Variants in PTPN5 observed in about 807,000 individuals in gnomAD.
PTPN5 encodes the protein tyrosine-protein phosphatase non-receptor type 5.
PTPN5 carries 29 observed loss-of-function variants against 73.9 expected under a neutral mutation model. The observed-to-expected ratio is 0.39, with a 90% CI of 0.29 to 0.54. PTPN5 has a LOEUF of 0.54. PTPN5 is among the 20% of genes least tolerant of loss of function. PTPN5 has a pLI of 0.65. For synonymous variants in PTPN5, 267 were observed against 304.7 expected, an observed-to-expected ratio of 0.88 and a Z score of 1.29; for missense variants, 652 against 751.4, an observed-to-expected ratio of 0.87 and a Z score of 1.55.
At chr11:18,760,554 A>G (rs1050176302) in intron 3 of PTPN5, among the ~76,000 whole-genome samples, 13 of 152,234 alleles carry the variant, frequency 8.5e-5, no homozygotes, top group Admixed American at 8.5e-4. Flanking sequence ...CAGAATCACC[A>G]GCCCAAGAGG....
chr11:18,763,472 T>C (rs1349796336), intron 3 of PTPN5, among the ~76,000 whole-genome samples: 2 of 152,224 alleles, frequency 1.3e-5, no homozygotes, highest in South Asian at 2.1e-4. Flanking sequence ...GGGTAGCAAA[T>C]GACACTGATT....
chr11:18,791,942 G>T (rs4277090), upstream of PTPN5: 7,274 of 152,246 alleles, frequency 0.048, 314 homozygotes, highest in East Asian at 0.22. Flanking sequence ...GGGCACGAAG[G>T]GGGCCGGATC....
At position 18,752,338 on chromosome 11, in the gene PTPN5, G is replaced by C. The variant is rs1464220736; in HGVS notation, c.98-8139C>G. On this transcript the variant is annotated intron_variant, in intron 3 of 14. Transcript: ENST00000358540. ...GCACATGGTGAGTACTCAATAAATG[G>C]GAGCCAGAATCTAGAGATGATGGGG... Among the ~76,000 whole-genome samples, 3 of 152,202 alleles carry C rather than the reference G, an allele frequency of 2.0e-5. No individual in the cohort carries two copies. In the East Asian group the frequency reaches 5.8e-4, roughly 29 times the overall value.
chr11:18,735,132 C>T (rs145089281), intron 9 of PTPN5, among the ~76,000 whole-genome samples: 1 of 152,116 alleles, frequency 6.6e-6, no homozygotes, highest in South Asian at 2.1e-4. Context: ...TGCTGTTATT[C>T]CTGACATTAT....
Position 18,763,220 on chromosome 11 carries a change from C to T in PTPN5, c.97+2587G>A, listed in dbSNP as rs147533237. On this transcript the variant is annotated intron_variant, in intron 3 of 14. Coordinates refer to ENST00000358540, the MANE Select transcript of PTPN5 (RefSeq NM_006906.2). ...ACACAGATAGGGACAGGCACAGGGA[C>T]GTTGTCTACCTCCTCCAAACTCCTG... 2.1e-4 allele frequency among the ~76,000 whole-genome samples: 32 copies of T among 152,300 alleles called. No homozygotes were observed. In the East Asian group the frequency reaches 4.6e-3, roughly 22 times the overall value.
In PTPN5 at chr11:18,744,144, G is replaced by A; in HGVS notation, c.153C>T (p.Asp51=). ...EALDEAEGLQ[D]SQREMPPPPP... Reference sequence around the variant, plus strand: ...GGGGTGGCGGCATCTCTCTCTGTGAGTCCTGGAGCCCTTCAGCCTCGTCCA... The same window carrying A: ...GGGGTGGCGGCATCTCTCTCTGTGAATCCTGGAGCCCTTCAGCCTCGTCCA... Residue 51 remains aspartate, a synonymous_variant, in exon 4 of 15, where the codon GAC becomes GAT. Coordinates refer to ENST00000358540, the MANE Select transcript of PTPN5 (RefSeq NM_006906.2). The A allele has an allele frequency of 1.2e-6, 2 of 1,603,304 alleles. No individual in the cohort carries two copies. The highest frequency in any genetic ancestry group is 2.7e-5 in the African/African-American group (2 of 74,134).
chr11:18,771,195 AC>A (rs925842929), intron 2 of PTPN5, among the ~76,000 whole-genome samples: 1 of 151,664 alleles, frequency 6.6e-6, no homozygotes, highest in African/African-American at 2.4e-5. Flanking sequence ...CCCCGTAAAT[AC>A]CCCTCACTGT....
chr11:18,781,204 T>C (rs1851407880), intron 1 of PTPN5, among the ~76,000 whole-genome samples: 1 of 145,624 alleles, frequency 6.9e-6, no homozygotes, highest in African/African-American at 2.5e-5. Context: ...CACTCATCCA[T>C]GCCACTTCCC....
chr11:18,735,132 C>A lies in PTPN5; in HGVS notation c.1001-1497G>T, dbSNP rs145089281. On this transcript the variant is annotated intron_variant, in intron 9 of 14. Coordinates refer to ENST00000358540, the MANE Select transcript of PTPN5 (RefSeq NM_006906.2). ...ACACGAAGTATCAGTTGCTGTTATT[C>A]CTGACATTATTACAAGTTCCACAAG... is the stretch of plus-strand genomic sequence containing the variant. Among the ~76,000 whole-genome samples, 12 of 152,234 alleles carry A rather than the reference C, an allele frequency of 7.9e-5. No homozygotes were observed. In the East Asian group the frequency reaches 2.3e-3, roughly 29 times the overall value.
chr11:18,751,687 A>G (rs183352244), intron 3 of PTPN5, among the ~76,000 whole-genome samples: 5 of 152,338 alleles, frequency 3.3e-5, no homozygotes, highest in Non-Finnish European at 7.3e-5. Flanking sequence ...GGCGTGGGAA[A>G]AGGAATCAAA....
intron 9 of PTPN5, among the ~76,000 whole-genome samples, chr11:18,736,930 AT>A (rs1237225804): frequency 6.6e-6 from 1 of 152,170 alleles, no homozygotes; most frequent in Non-Finnish European, 1.5e-5. Flanking sequence ...CTGGCCTTAA[AT>A]GGCTCTTTGT....
intron 2 of PTPN5, among the ~76,000 whole-genome samples, chr11:18,766,807 G>A (rs1367052432): frequency 4.6e-5 from 7 of 152,180 alleles, no homozygotes; most frequent in African/African-American, 1.7e-4. Flanking sequence ...CTGACCCTTG[G>A]CAGTAGCTGA....
Position 18,740,677 on chromosome 11 carries a change from C to T in PTPN5, c.841G>A (p.Ala281Thr), listed in dbSNP as rs1849321988. Residue 281 changes from alanine to threonine, a missense_variant, in exon 8 of 15, where the codon GCC (alanine) becomes ACC (threonine). Coordinates refer to ENST00000358540, the MANE Select transcript of PTPN5 (RefSeq NM_006906.2). ...TCTTCTGCTTGGAGGACACGGGAGG[C>T]GCTGAGCAGGTACTCGCGGGCGGAC... ...EESAREYLLS[A>T]SRVLQAEELH... 4.4e-6 allele frequency: 7 copies of T among 1,607,622 alleles called. No homozygotes were observed. Among genetic ancestry groups the T allele is most frequent in the Middle Eastern group, 1.7e-4 (1 of 6,040 alleles).
intron 8 of PTPN5, among the ~76,000 whole-genome samples, chr11:18,738,789 T>A (rs1849232588): frequency 6.6e-6 from 1 of 151,900 alleles, no homozygotes; most frequent in African/African-American, 2.4e-5. Flanking sequence ...CTGGCCAACA[T>A]GTTGAAACCC....
chr11:18,732,216 A>T (rs1848907839), intron 12 of PTPN5, among the ~76,000 whole-genome samples: 1 of 152,196 alleles, frequency 6.6e-6, no homozygotes. Context: ...GTTTCTAAGG[A>T]GGATCTCAAA....
chr11:18,753,701 A>G (rs991021714), intron 3 of PTPN5, among the ~76,000 whole-genome samples: 1 of 152,128 alleles, frequency 6.6e-6, no homozygotes, highest in African/African-American at 2.4e-5. Flanking sequence ...ACAGTCCCCA[A>G]GGGAGCATGT....
intron 1 of PTPN5, among the ~76,000 whole-genome samples, chr11:18,781,692 C>T (rs903948954): frequency 6.6e-6 from 1 of 152,062 alleles, no homozygotes; most frequent in African/African-American, 2.4e-5. Context: ...GATAATCTTA[C>T]TATAATCTTA....
At chr11:18,730,150 G>C in intron 12 of PTPN5, 1 of 478,200 alleles carries the variant, frequency 2.1e-6, no homozygotes, top group Non-Finnish European at 3.6e-6. Flanking sequence ...TGGTCCCCCA[G>C]TCATCCCTTT....
intron 3 of PTPN5, among the ~76,000 whole-genome samples, chr11:18,755,203 AG>A (rs1850075421): frequency 6.6e-6 from 1 of 152,190 alleles, no homozygotes; most frequent in South Asian, 2.1e-4. Context: ...AGAGGCTGCA[AG>A]GAACTGGAGC....
Sources: gnomAD v4.1 joint callset for allele counts (sites outside exome capture counted in the v4.1 genomes callset) on GRCh38, gnomAD v4.1.1 for gene constraint, MANE v1.5 for transcripts, NCBI Gene and HGNC (gene_info 2026-07-23, HGNC 2026-07-21) for gene names.